NAA50: variants seen among roughly 807,000 people sequenced by gnomAD.
NAA50 encodes the protein N-alpha-acetyltransferase 50, NatE catalytic subunit.
Under a neutral mutation model 20.7 loss-of-function variants are expected in NAA50, and 7 were observed. The ratio of observed to expected loss-of-function variants is 0.34; its 90% confidence interval spans 0.19 to 0.63. The LOEUF is 0.63. Ranked by LOEUF, NAA50 falls within the 30% of genes least tolerant of loss-of-function variation. The pLI is 0.75. For synonymous variants in NAA50, 54 were observed against 70.6 expected, an observed-to-expected ratio of 0.77 and a Z score of 1.18; for missense variants, 111 against 199.1, an observed-to-expected ratio of 0.56 and a Z score of 2.66.
rs1252385134 is a variant in NAA50, at chr3:113,724,011, G to A, written c.93C>T (p.Tyr31=). 1.9e-6 allele frequency: 3 copies of A among 1,611,080 alleles called. No homozygotes were observed. Among genetic ancestry groups the A allele is most frequent in the Non-Finnish European group, 2.5e-6 (3 of 1,178,712 alleles). ...RLNQVIFPVS[Y]NDKFYKDVLE... Reference sequence around the variant, plus strand: ...GCACATCCTTGTAGAACTTGTCATTGTAGCTGACTGGAAAGATGACCTGAT... The same window carrying A: ...GCACATCCTTGTAGAACTTGTCATTATAGCTGACTGGAAAGATGACCTGAT... Residue 31 remains tyrosine (Y), a synonymous_variant, in exon 2 of 5, where the codon TAC becomes TAT. Coordinates refer to ENST00000240922, the MANE Select transcript of NAA50 (RefSeq NM_025146.4).
At chr3:113,723,152 T>C (rs1351003461) in intron 3 of NAA50, among the ~76,000 whole-genome samples, 180 bp from the exon 4 acceptor site, 6 of 152,180 alleles carry the variant, frequency 3.9e-5, no homozygotes, top group Non-Finnish European at 8.8e-5. Context: ...TGTTTAAAAC[T>C]GTTAGCAGAA....
intron 1 of NAA50, among the ~76,000 whole-genome samples, chr3:113,726,757 AG>A (rs1708204561): frequency 6.6e-6 from 1 of 151,722 alleles, no homozygotes; most frequent in Non-Finnish European, 1.5e-5. Flanking sequence ...AAAAAAAAAA[AG>A]AAAGAAAGAA....
chr3:113,746,110 T>A lies in NAA50; in HGVS notation c.-161A>T. ...AGCAACGAAGGCCGCGAGAGTCGAGTGAGGGCTTGAGTCTGGTGGGGGCGG... is the reference window on the plus strand; with the variant it reads ...AGCAACGAAGGCCGCGAGAGTCGAGAGAGGGCTTGAGTCTGGTGGGGGCGG... On this transcript the variant is annotated 5_prime_UTR_variant, in exon 1 of 5. Transcript: ENST00000240922. The A allele has an allele frequency of 2.3e-6, 2 of 860,576 alleles. No individual in the cohort carries two copies. The highest frequency in any genetic ancestry group is 1.7e-5 in the South Asian group (1 of 59,516). 53.3% of individuals were successfully genotyped at this position (860,576 alleles called of 1,614,324 possible).
chr3:113,725,933 C>A (rs1349004112), intron 1 of NAA50, among the ~76,000 whole-genome samples: 2 of 152,042 alleles, frequency 1.3e-5, no homozygotes, highest in South Asian at 2.1e-4. Context: ...GAGTTAGAGG[C>A]AAAAACAAGA....
At chr3:113,727,939 A>C (rs1341934055) in intron 1 of NAA50, among the ~76,000 whole-genome samples, 1 of 152,220 alleles carries the variant, frequency 6.6e-6, no homozygotes, top group Admixed American at 6.5e-5. Flanking sequence ...AACTCTCATT[A>C]ACATGATATG....
intron 1 of NAA50, among the ~76,000 whole-genome samples, chr3:113,732,578 G>A (rs1348074788): frequency 9.9e-5 from 15 of 151,914 alleles, no homozygotes; most frequent in Admixed American, 9.8e-4. Flanking sequence ...CCCCACGCTT[G>A]GGGCAGCCTA....
rs1708123535 is a variant in NAA50, at chr3:113,720,597, C to G, written c.*1163G>C. ...GAAGCAATATGTTTAATAATTACCC[C>G]TGCCTCAAATCCTTAAACTCAATAT... On this transcript the variant is annotated 3_prime_UTR_variant, in exon 5 of 5. Transcript: ENST00000240922. 1 of 152,600 alleles carries G rather than the reference C, an allele frequency of 6.6e-6. No individual in the cohort carries two copies. Among genetic ancestry groups the G allele is most frequent in the East Asian group, 1.9e-4 (1 of 5,202 alleles). 9.5% of individuals were successfully genotyped at this position (152,600 alleles called of 1,614,324 possible). A position where few individuals can be genotyped will look rare whatever the true frequency, so the allele number is the denominator to read the frequency against.
At chr3:113,736,925 G>T (rs1708351313) in intron 1 of NAA50, among the ~76,000 whole-genome samples, 1 of 152,084 alleles carries the variant, frequency 6.6e-6, no homozygotes, top group African/African-American at 2.4e-5. Flanking sequence ...GAGTACCTTG[G>T]CACATAATTT....
intron 1 of NAA50, among the ~76,000 whole-genome samples, chr3:113,744,771 A>C (rs1708466366): frequency 6.6e-6 from 1 of 152,248 alleles, no homozygotes. Flanking sequence ...AAAGTAAGGA[A>C]ACATGTTACA....
chr3:113,735,932 C>G (rs1486511373), intron 1 of NAA50, among the ~76,000 whole-genome samples: 1 of 152,206 alleles, frequency 6.6e-6, no homozygotes, highest in Non-Finnish European at 1.5e-5. Context: ...CCTGGTCTCT[C>G]ACCTCGGCCC....
In NAA50 at chr3:113,722,890, ATAT is replaced by A. The variant is rs1273589029; in HGVS notation, c.332+13_332+15del. Reference sequence around the variant, plus strand: ...TAAACCCCTTTGATAAGAACATTAAATATTATTTTACTTACAGATAAATGTTGT... The same window carrying A: ...TAAACCCCTTTGATAAGAACATTAAATATTTTACTTACAGATAAATGTTGT... On this transcript the variant is annotated intron_variant, in intron 4 of 4. Coordinates refer to ENST00000240922, the MANE Select transcript of NAA50 (RefSeq NM_025146.4). 1 of 1,514,918 alleles carries A rather than the reference ATAT, an allele frequency of 6.6e-7. No individual in the cohort carries two copies. Among genetic ancestry groups the A allele is most frequent in the South Asian group, 1.2e-5 (1 of 81,916 alleles). 93.8% of individuals were successfully genotyped at this position (1,514,918 alleles called of 1,614,324 possible). A position where few individuals can be genotyped will look rare whatever the true frequency, so the allele number is the denominator to read the frequency against.
chr3:113,727,152 C>T (rs574023566), intron 1 of NAA50, among the ~76,000 whole-genome samples: 1 of 152,308 alleles, frequency 6.6e-6, no homozygotes, highest in Non-Finnish European at 1.5e-5. Flanking sequence ...CCTACACTGT[C>T]TCCTGTTTAA....
chr3:113,738,759 C>T (rs138858772), intron 1 of NAA50, among the ~76,000 whole-genome samples: 1 of 152,188 alleles, frequency 6.6e-6, no homozygotes, highest in Non-Finnish European at 1.5e-5. Context: ...AAATTATATA[C>T]ACTAGAAGCA....
intron 1 of NAA50, among the ~76,000 whole-genome samples, chr3:113,726,451 A>T (rs932237278): frequency 1.4e-4 from 21 of 151,510 alleles, no homozygotes; most frequent in African/African-American, 4.6e-4. Flanking sequence ...ACTAAAATCT[A>T]CTGGGCTCAC....
intron 1 of NAA50, among the ~76,000 whole-genome samples, chr3:113,732,663 C>T (rs1708285648): frequency 6.6e-6 from 1 of 152,188 alleles, no homozygotes; most frequent in Non-Finnish European, 1.5e-5. Flanking sequence ...TCATTACATT[C>T]AGGACCTGCT....
At chr3:113,741,475 A>G (rs1471634724) in intron 1 of NAA50, among the ~76,000 whole-genome samples, 3 of 152,248 alleles carry the variant, frequency 2.0e-5, no homozygotes, top group Non-Finnish European at 2.9e-5. Context: ...CTGCATTTAA[A>G]AAAAGATGAA....
At chr3:113,737,748 A>T (rs1708363211) in intron 1 of NAA50, among the ~76,000 whole-genome samples, 1 of 152,200 alleles carries the variant, frequency 6.6e-6, no homozygotes, top group African/African-American at 2.4e-5. Context: ...ACACTGCAGA[A>T]TACTCAGCAG....
chr3:113,725,943 A>G (rs1708193394), intron 1 of NAA50, among the ~76,000 whole-genome samples: 2 of 152,238 alleles, frequency 1.3e-5, no homozygotes. Flanking sequence ...CAAAAACAAG[A>G]GACTTTTACC....
chr3:113,728,460 A>T (rs1708228787), intron 1 of NAA50, among the ~76,000 whole-genome samples: 1 of 152,256 alleles, frequency 6.6e-6, no homozygotes, highest in African/African-American at 2.4e-5. Context: ...TGAAGGTGAC[A>T]ATGGGAAACA....
Sources: gnomAD v4.1 joint callset for allele counts (sites outside exome capture counted in the v4.1 genomes callset) on GRCh38, gnomAD v4.1.1 for gene constraint, MANE v1.5 for transcripts, NCBI Gene and HGNC (gene_info 2026-07-23, HGNC 2026-07-21) for gene names.